Variants in TDRD12 observed in about 807,000 individuals in gnomAD.
TDRD12 encodes tudor domain containing 12, also known as putative ATP-dependent RNA helicase TDRD12.
In TDRD12, 158 loss-of-function variants were observed where a neutral mutation model predicts 133.5. The observed-to-expected ratio is 1.18, with a 90% CI of 1.04 to 1.35. The LOEUF is 1.35. TDRD12 is among the 40% of genes most tolerant of loss of function. TDRD12 has a pLI of 0.00. For synonymous variants in TDRD12, 460 were observed against 477.9 expected (o/e 0.96, Z 0.49); for missense variants, 1,443 against 1,321.3 (o/e 1.09, Z -1.43).
exon 10 of TDRD12, chr19:32,828,530 G>C (rs1967660267): frequency 6.8e-6 from 1 of 147,948 alleles, no homozygotes; most frequent in Non-Finnish European, 1.5e-5. Context: ...TGTGCACTCT[G>C]TGTCTTGTTT....
At chr19:32,793,590 C>T (rs919681439) in intron 13 of TDRD12, among the ~76,000 whole-genome samples, 1 of 152,058 alleles carries the variant, frequency 6.6e-6, no homozygotes, top group Admixed American at 6.6e-5. Context: ...TCTATTGGAA[C>T]ATTTGGGTTT....
intron 8 of TDRD12, among the ~76,000 whole-genome samples, chr19:32,768,863 C>T (rs991903492): frequency 6.6e-6 from 1 of 152,114 alleles, no homozygotes; most frequent in Admixed American, 6.6e-5. Flanking sequence ...CGTCTGTTCT[C>T]CTTTGTGAAA....
At chr19:32,776,230 T>C (rs115445504) in intron 10 of TDRD12, among the ~76,000 whole-genome samples, 1,593 of 152,292 alleles carry the variant, frequency 0.01, 27 homozygotes, top group African/African-American at 0.036. Context: ...TAATGTGGAA[T>C]TGGGATACCT....
intron 13 of TDRD12, among the ~76,000 whole-genome samples, chr19:32,792,552 A>G (rs1971101933): frequency 6.6e-6 from 1 of 152,202 alleles, no homozygotes; most frequent in Admixed American, 6.5e-5. Flanking sequence ...GGAAAAAGGC[A>G]AAGAGACGGA....
intron 6 of TDRD12, among the ~76,000 whole-genome samples, chr19:32,751,775 T>C (rs563937163): frequency 6.6e-6 from 1 of 151,896 alleles, no homozygotes; most frequent in Non-Finnish European, 1.5e-5. Context: ...CCCAGGCTGG[T>C]CTCAACAGGC....
At chr19:32,770,419 T>A (rs1049790124) in intron 8 of TDRD12, among the ~76,000 whole-genome samples, 6 of 152,302 alleles carry the variant, frequency 3.9e-5, no homozygotes, top group African/African-American at 1.4e-4. Flanking sequence ...TTATATATAT[T>A]GTATTTCATT....
At chr19:32,724,102 C>T (rs1968781992) in intron 1 of TDRD12, among the ~76,000 whole-genome samples, 3 of 152,284 alleles carry the variant, frequency 2.0e-5, no homozygotes, top group East Asian at 1.9e-4. Flanking sequence ...CTCAAGCAAT[C>T]GTCCCACCTC....
intron 1 of TDRD12, among the ~76,000 whole-genome samples, chr19:32,730,162 G>A (rs1044831700): frequency 6.6e-6 from 1 of 152,094 alleles, no homozygotes; most frequent in African/African-American, 2.4e-5. Context: ...TTTCTGCCAA[G>A]AATGTGACAG....
At chr19:32,783,323 A>AT (rs1970820088) in intron 11 of TDRD12, among the ~76,000 whole-genome samples, 1 of 152,058 alleles carries the variant, frequency 6.6e-6, no homozygotes, top group Non-Finnish European at 1.5e-5. Flanking sequence ...ATTGGTCTAT[A>AT]TATCTGTTTT....
intron 7 of TDRD12, among the ~76,000 whole-genome samples, 152 bp from the exon 8 acceptor site, chr19:32,756,886 C>G (rs1970010357): frequency 6.6e-6 from 1 of 152,166 alleles, no homozygotes; most frequent in Non-Finnish European, 1.5e-5. Flanking sequence ...CTGTCCACAT[C>G]CAGTTTTTAG....
chr19:32,749,467 C>T (rs150262866), intron 5 of TDRD12, among the ~76,000 whole-genome samples: 21 of 152,082 alleles, frequency 1.4e-4, no homozygotes, highest in East Asian at 3.9e-4. Flanking sequence ...AGGGAGTAGC[C>T]GGGTGCTGCA....
At chr19:32,733,297 C>T (rs1363746150) in intron 2 of TDRD12, among the ~76,000 whole-genome samples, 1 of 151,912 alleles carries the variant, frequency 6.6e-6, no homozygotes, top group Non-Finnish European at 1.5e-5. Context: ...AGTGAAACCC[C>T]ATCTCTACTA....
chr19:32,742,412 C>T (rs1049467368), intron 3 of TDRD12, among the ~76,000 whole-genome samples: 3 of 152,112 alleles, frequency 2.0e-5, no homozygotes, highest in African/African-American at 7.2e-5. Context: ...CTGCCTAACT[C>T]GGCCTTCCAA....
intron 1 of TDRD12, among the ~76,000 whole-genome samples, chr19:32,724,691 G>GTA (rs1362867376): frequency 6.6e-6 from 1 of 152,166 alleles, no homozygotes; most frequent in Non-Finnish European, 1.5e-5. Flanking sequence ...ACATACGCAT[G>GTA]TATGTCTTTA....
chr19:32,820,848 C>T, intron 27 of TDRD12, 185 bp from the exon 28 acceptor site: 1 of 582,512 alleles, frequency 1.7e-6, no homozygotes. Flanking sequence ...TGTGTGCTTG[C>T]CCATCATCCT....
intron 11 of TDRD12, among the ~76,000 whole-genome samples, chr19:32,787,581 A>G (rs1191023896): frequency 1.3e-5 from 2 of 152,168 alleles, no homozygotes; most frequent in Admixed American, 6.5e-5. Context: ...GGCTCCACCC[A>G]GTTTGAGCTT....
At chr19:32,822,807 G>A (rs1291613582), downstream of TDRD12, among the ~76,000 whole-genome samples, 1 of 152,064 alleles carries the variant, frequency 6.6e-6, no homozygotes, top group African/African-American at 2.4e-5. Context: ...ATTCAGTGAG[G>A]GAGAAGGAAA....
At chr19:32,789,231 T>C (rs1204068478) in intron 11 of TDRD12, among the ~76,000 whole-genome samples, 1 of 152,198 alleles carries the variant, frequency 6.6e-6, no homozygotes, top group Non-Finnish European at 1.5e-5. Flanking sequence ...TCAACTGTCT[T>C]GGGGCTGTTA....
intron 11 of TDRD12, among the ~76,000 whole-genome samples, chr19:32,780,528 C>T (rs1173073207): frequency 6.6e-6 from 1 of 152,182 alleles, no homozygotes; most frequent in African/African-American, 2.4e-5. Flanking sequence ...AGCCCTCTGC[C>T]AAAGAACACA....
Sources: gnomAD v4.1 joint callset for allele counts (sites outside exome capture counted in the v4.1 genomes callset) on GRCh38, gnomAD v4.1.1 for gene constraint, MANE v1.5 for transcripts, NCBI Gene and HGNC (gene_info 2026-07-23, HGNC 2026-07-21) for gene names.